FLRT1: variants seen among roughly 807,000 people sequenced by gnomAD.
FLRT1 encodes the protein leucine-rich repeat transmembrane protein FLRT1.
In FLRT1, 14 loss-of-function variants were observed where a neutral mutation model predicts 30.9. That is an observed-to-expected ratio of 0.45 (90% CI 0.30 to 0.71). The LOEUF (loss-of-function observed/expected upper bound fraction) is 0.71, where lower values mean the gene tolerates loss of function less well. Among genes scored for constraint, FLRT1 ranks in the 30% least tolerant of loss-of-function variants. FLRT1 has a pLI of 0.08. For synonymous variants in FLRT1, 368 were observed against 430.4 expected, an observed-to-expected ratio of 0.85 and a Z score of 1.80; for missense variants, 737 against 949.2, an observed-to-expected ratio of 0.78 and a Z score of 2.94.
At chr11:64,101,083 G>A (rs965471719) in intron 1 of FLRT1, among the ~76,000 whole-genome samples, 11 of 152,046 alleles carry the variant, frequency 7.2e-5, no homozygotes, top group East Asian at 3.9e-4. Context: ...TTCATGCTCC[G>A]TTGTTGCTGT....
intron 1 of FLRT1, among the ~76,000 whole-genome samples, chr11:64,039,335 C>A (rs983495338): frequency 5.9e-5 from 9 of 152,168 alleles, no homozygotes; most frequent in Non-Finnish European, 1.3e-4. Flanking sequence ...GAGGAGAGCG[C>A]CAGCCTCTGG....
intron 1 of FLRT1, among the ~76,000 whole-genome samples, chr11:64,073,195 C>T (rs184482787): frequency 6.6e-6 from 1 of 152,352 alleles, no homozygotes; most frequent in East Asian, 1.9e-4. Flanking sequence ...CCTGCTTCTG[C>T]CTAAGTTTAC....
chr11:64,113,330 T>C (rs1416049502), intron 2 of FLRT1, among the ~76,000 whole-genome samples: 2 of 152,228 alleles, frequency 1.3e-5, no homozygotes, highest in Admixed American at 6.5e-5. Context: ...TGGAATATAG[T>C]AGATGCTCAA....
intron 1 of FLRT1, among the ~76,000 whole-genome samples, chr11:64,066,962 G>T (rs908960330): frequency 1.1e-4 from 16 of 152,198 alleles, no homozygotes; most frequent in Admixed American, 9.2e-4. Flanking sequence ...GCTACGGAGG[G>T]TCACACAGAG....
chr11:64,099,320 C>T (rs1216528001), intron 1 of FLRT1, among the ~76,000 whole-genome samples: 1 of 152,254 alleles, frequency 6.6e-6, no homozygotes, highest in Non-Finnish European at 1.5e-5. Context: ...ATGCCCTCCC[C>T]ACTGGACTGT....
Position 64,072,243 on chromosome 11 carries a change from C to T in FLRT1, c.-1037-30951C>T, listed in dbSNP as rs11231688. On this transcript the variant is annotated intron_variant, in intron 1 of 2. Transcript: ENST00000682287. ...GTGGGATGGAGGGGCTGGTTCTGCA[C>T]CCAACCCACAGATGGGTACAGGGGT... is the stretch of plus-strand genomic sequence containing the variant. 6.6e-3 allele frequency among the ~76,000 whole-genome samples: 1,009 copies of T among 152,162 alleles called. 11 individuals are homozygous for T. Among genetic ancestry groups the T allele is most frequent in the Middle Eastern group, 0.014 (4 of 294 alleles).
intron 2 of FLRT1, among the ~76,000 whole-genome samples, chr11:64,112,917 T>G (rs1944888350): frequency 6.6e-6 from 1 of 152,192 alleles, no homozygotes; most frequent in South Asian, 2.1e-4. Flanking sequence ...GGCAGAGACA[T>G]TCACCACGGC....
intron 1 of FLRT1, among the ~76,000 whole-genome samples, chr11:64,066,496 G>A (rs1240022741): frequency 1.3e-5 from 2 of 151,844 alleles, no homozygotes; most frequent in Admixed American, 6.6e-5. Flanking sequence ...GCATGCGCCT[G>A]TAGTCCCAGC....
intron 1 of FLRT1, among the ~76,000 whole-genome samples, chr11:64,051,670 A>T (rs1266044977): frequency 6.6e-6 from 1 of 152,152 alleles, no homozygotes; most frequent in African/African-American, 2.4e-5. Flanking sequence ...CTCCGAGCTC[A>T]CGGCCCGGAG....
intron 1 of FLRT1, among the ~76,000 whole-genome samples, chr11:64,057,516 C>T (rs1943811445): frequency 6.6e-6 from 1 of 152,236 alleles, no homozygotes; most frequent in South Asian, 2.1e-4. Flanking sequence ...GCAAGCCCAG[C>T]TCTCCAGGCC....
At chr11:64,092,290 T>G (rs374755203) in intron 1 of FLRT1, among the ~76,000 whole-genome samples, 1 of 152,136 alleles carries the variant, frequency 6.6e-6, no homozygotes, top group Non-Finnish European at 1.5e-5. Flanking sequence ...TGGGGAGAAT[T>G]AGTATTCCAG....
At chr11:64,074,812 G>A (rs1330805232) in intron 1 of FLRT1, among the ~76,000 whole-genome samples, 1 of 152,228 alleles carries the variant, frequency 6.6e-6, no homozygotes, top group Non-Finnish European at 1.5e-5. Flanking sequence ...CAGTTCCTGG[G>A]GCTTGGGGTG....
chr11:64,114,260 A>G (rs1944926472), intron 2 of FLRT1, among the ~76,000 whole-genome samples: 1 of 149,862 alleles, frequency 6.7e-6, no homozygotes. Flanking sequence ...GGTTAGGTGG[A>G]TGGATGGATG....
At chr11:64,049,606 G>A (rs918773910) in intron 1 of FLRT1, among the ~76,000 whole-genome samples, 4 of 152,214 alleles carry the variant, frequency 2.6e-5, no homozygotes, top group East Asian at 3.8e-4. Flanking sequence ...GCTGACTCCC[G>A]CACAGACATC....
Position 64,080,325 on chromosome 11 carries a change from T to C in FLRT1, c.-1037-22869T>C, listed in dbSNP as rs187765455. On this transcript the variant is annotated intron_variant, in intron 1 of 2. Transcript: ENST00000682287. ...ACTGTGCCTGGCTGAATATTTTTCT[T>C]TATAAGCTTAGTTCAAATTCATCTT... 2.0e-5 allele frequency among the ~76,000 whole-genome samples: 3 copies of C among 152,322 alleles called. No individual in the cohort carries two copies. The East Asian group carries it at 5.8e-4, about 29-fold the overall frequency.
intron 1 of FLRT1, among the ~76,000 whole-genome samples, chr11:64,038,751 T>C (rs751438045): frequency 6.6e-6 from 1 of 152,168 alleles, no homozygotes; most frequent in Non-Finnish European, 1.5e-5. Flanking sequence ...CTGGAAATGA[T>C]ATCAACCACC....
chr11:64,088,996 G>A (rs181527843), intron 1 of FLRT1, among the ~76,000 whole-genome samples: 5 of 152,288 alleles, frequency 3.3e-5, no homozygotes, highest in Non-Finnish European at 4.4e-5. Flanking sequence ...CTCAGAGAGA[G>A]CCACCGAAGC....
intron 1 of FLRT1, among the ~76,000 whole-genome samples, chr11:64,091,103 G>C (rs1209345204): frequency 7.1e-6 from 1 of 140,454 alleles, no homozygotes; most frequent in Non-Finnish European, 1.5e-5. Flanking sequence ...GGAGAAGGGA[G>C]AGGAGAAGGA....
chr11:64,066,041 A>T (rs976835400), intron 1 of FLRT1, among the ~76,000 whole-genome samples: 1 of 151,774 alleles, frequency 6.6e-6, no homozygotes, highest in African/African-American at 2.4e-5. Flanking sequence ...CACGCCTGTA[A>T]TCCCAACACT....
Sources: allele counts gnomAD v4.1 joint callset (sites outside exome capture counted in the v4.1 genomes callset), GRCh38; gene constraint gnomAD v4.1.1; transcripts MANE v1.5; gene names NCBI Gene and HGNC (gene_info 2026-07-23, HGNC 2026-07-21).